The following LRPAP1 variants were observed in gnomAD, a reference collection of about 807,000 sequenced individuals.
The protein encoded by LRPAP1 is alpha-2-macroglobulin receptor-associated protein.
In LRPAP1, 41 loss-of-function variants were observed where a neutral mutation model predicts 39.9. That is an observed-to-expected ratio of 1.03 (90% confidence interval 0.80 to 1.33). The LOEUF (loss-of-function observed/expected upper bound fraction) is 1.33. Among genes scored for constraint, LRPAP1 ranks in the 40% most tolerant of loss-of-function variants. LRPAP1 has a pLI of 0.00. For synonymous variants in LRPAP1, 263 were observed against 212.7 expected (o/e 1.24, Z -2.06); for missense variants, 565 against 482.3 (o/e 1.17, Z -1.61).
At position 3,518,866 on chromosome 4, in the gene LRPAP1, G is replaced by C. The variant is rs1800486; in HGVS notation, c.592+5C>G. The C allele has an allele frequency of 2.0e-6, 3 of 1,531,944 alleles. No individual in the cohort carries two copies. The highest frequency in any genetic ancestry group is 2.7e-6 in the Non-Finnish European group (3 of 1,129,898). 94.9% of individuals were successfully genotyped at this position (1,531,944 alleles called of 1,614,324 possible). A position where few individuals can be genotyped will look rare whatever the true frequency, so the allele number is the denominator to read the frequency against. On this transcript the variant is annotated splice_donor_5th_base_variant and intron_variant, in intron 4 of 7. Transcript: ENST00000650182. ...AGGGCAGGAGGGGGTGGGGGCGGGG[G>C]GCACCTTCGGTCCTGCTCAGGGTCT...
chr4:3,527,990 CA>C (rs1277896045), intron 1 of LRPAP1, among the ~76,000 whole-genome samples: 1 of 152,222 alleles, frequency 6.6e-6, no homozygotes, highest in African/African-American at 2.4e-5. Flanking sequence ...GCATGTCTCA[CA>C]AAAGCCAGCT....
At position 3,503,745 on chromosome 4, in the gene LRPAP1, AGAC is replaced by A. The variant is rs1351644679; in HGVS notation, c.*9226_*9228del. 2 of 152,298 alleles carry A rather than the reference AGAC, an allele frequency of 1.3e-5. No individual in the cohort carries two copies. Among genetic ancestry groups the A allele is most frequent in the Non-Finnish European group, 2.9e-5 (2 of 68,058 alleles). The allele number at this position is 152,298 out of a possible 1,614,324, so 9.4% of individuals were successfully genotyped here. A position where few individuals can be genotyped will look rare whatever the true frequency, so the allele number is the denominator to read the frequency against. ...CGCGCTTGTTTCACAAAACAACAGC[AGAC>A]AACAGAGATTTCCAACTCCAGCAAT... On this transcript the variant is annotated 3_prime_UTR_variant, in exon 8 of 8. Transcript: ENST00000650182.
In LRPAP1 at chr4:3,512,895, G is replaced by T; in HGVS notation, c.*79C>A. 1 of 1,354,756 alleles carries T rather than the reference G, an allele frequency of 7.4e-7. No individual in the cohort carries two copies. The highest frequency in any genetic ancestry group is 1.0e-6 in the Non-Finnish European group (1 of 980,884). 83.9% of individuals were successfully genotyped at this position (1,354,756 alleles called of 1,614,324 possible). On this transcript the variant is annotated 3_prime_UTR_variant, in exon 8 of 8. Coordinates refer to ENST00000650182, the MANE Select transcript of LRPAP1 (RefSeq NM_002337.4). The stretch of plus-strand genomic sequence containing the variant: ...GCCCCAGCCACCCTGACGGCGGGCT[G>T]TCCACGGAAATGCCACGGCCAAGAG...
In LRPAP1 at chr4:3,503,802, C is replaced by T. The variant is rs1729271426; in HGVS notation, c.*9172G>A. The stretch of plus-strand genomic sequence containing the variant: ...AGGCTAGGGTACCTAGATGAACCAT[C>T]ACACTGAAAACACATGCTGCAGTAA... On this transcript the variant is annotated 3_prime_UTR_variant, in exon 8 of 8. Coordinates refer to ENST00000650182, the MANE Select transcript of LRPAP1 (RefSeq NM_002337.4). The T allele has an allele frequency of 6.6e-6, 1 of 152,266 alleles. No homozygotes were observed. The highest frequency in any genetic ancestry group is 2.1e-4 in the South Asian group (1 of 4,838). 9.4% of individuals were successfully genotyped at this position (152,266 alleles called of 1,614,324 possible). A position where few individuals can be genotyped will look rare whatever the true frequency, so the allele number is the denominator to read the frequency against.
At chr4:3,515,289 G>A (rs1226678703) in intron 6 of LRPAP1, among the ~76,000 whole-genome samples, 1 of 152,156 alleles carries the variant, frequency 6.6e-6, no homozygotes, top group Non-Finnish European at 1.5e-5. Context: ...CTCCACTGCT[G>A]CTGGACTGCA....
chr4:3,528,762 C>T (rs1408536758), intron 1 of LRPAP1, among the ~76,000 whole-genome samples: 1 of 152,216 alleles, frequency 6.6e-6, no homozygotes, highest in Non-Finnish European at 1.5e-5. Context: ...CCAGCTCCTT[C>T]CACCTGAGCT....
At chr4:3,527,563 A>G (rs1398463122) in intron 1 of LRPAP1, among the ~76,000 whole-genome samples, 1 of 152,144 alleles carries the variant, frequency 6.6e-6, no homozygotes, top group Admixed American at 6.5e-5. Context: ...ACTGCCCGGG[A>G]GGGTCTGAGA....
chr4:3,530,372 T>G (rs959609143), intron 1 of LRPAP1, among the ~76,000 whole-genome samples: 2 of 152,238 alleles, frequency 1.3e-5, no homozygotes, highest in South Asian at 4.1e-4. Context: ...TCTGCAGGCC[T>G]GCCTGCCATA....
Position 3,522,196 on chromosome 4 carries a change from T to C in LRPAP1, c.350-2003A>G, listed in dbSNP as rs1729929685. Among the ~76,000 whole-genome samples, 6 of 152,076 alleles carry C rather than the reference T, an allele frequency of 3.9e-5. No individual in the cohort carries two copies. In the South Asian group the frequency reaches 1.2e-3, roughly 32 times the overall value. Reference sequence around the variant, plus strand: ...GTCCCACCCCCAGGCCGTGCACCCCTGAGCCCGAGAGGAGGAGAGGGGGAG... The same window carrying C: ...GTCCCACCCCCAGGCCGTGCACCCCCGAGCCCGAGAGGAGGAGAGGGGGAG... On this transcript the variant is annotated intron_variant, in intron 2 of 7. Transcript: ENST00000650182.
intron 2 of LRPAP1, among the ~76,000 whole-genome samples, chr4:3,524,523 A>G (rs1032100816): frequency 1.3e-5 from 2 of 152,172 alleles, no homozygotes; most frequent in Non-Finnish European, 2.9e-5. Flanking sequence ...GTGACAGCAA[A>G]CTGAGACCAC....
Position 3,518,943 on chromosome 4 carries a change from G to A in LRPAP1, c.520C>T (p.Arg174Trp), listed in dbSNP as rs1355851888. The change falls in exon 4 of 8, where the codon CGG becomes TGG. Residue 174 changes from arginine (R) to tryptophan (W), a missense_variant. Coordinates refer to ENST00000650182, the MANE Select transcript of LRPAP1 (RefSeq NM_002337.4). ...TTCTCTTTGTGATGCAGGAACTCCC[G>A]CCAGAGCTTGTCCAGTTCTTCGCCG... ...FSGEELDKLW[R>W]EFLHHKEKVH... The A allele has an allele frequency of 5.0e-6, 8 of 1,614,034 alleles. No individual in the cohort carries two copies. Among genetic ancestry groups the A allele is most frequent in the East Asian group, 2.2e-5 (1 of 44,858 alleles).
At chr4:3,528,701 C>G (rs1052291824) in intron 1 of LRPAP1, among the ~76,000 whole-genome samples, 1 of 152,230 alleles carries the variant, frequency 6.6e-6, no homozygotes, top group East Asian at 1.9e-4. Flanking sequence ...CACGCTGTAC[C>G]TGTCTCACCA....
At chr4:3,519,740 C>T (rs1288431289) in intron 3 of LRPAP1, among the ~76,000 whole-genome samples, 4 of 152,226 alleles carry the variant, frequency 2.6e-5, no homozygotes, top group African/African-American at 2.4e-5. Flanking sequence ...GCACCACTCA[C>T]TACATTAAAA....
intron 2 of LRPAP1, among the ~76,000 whole-genome samples, chr4:3,523,202 C>G (rs1729972025): frequency 6.6e-6 from 1 of 152,162 alleles, no homozygotes; most frequent in Admixed American, 6.5e-5. Flanking sequence ...CCCCTGCAAG[C>G]TACTCTGTCT....
chr4:3,523,666 T>TA (rs1265858118), intron 2 of LRPAP1, among the ~76,000 whole-genome samples: 1 of 152,138 alleles, frequency 6.6e-6, no homozygotes, highest in East Asian at 1.9e-4. Flanking sequence ...GAGTAGGTGT[T>TA]AGAGCATCAG....
In LRPAP1 at chr4:3,516,184, T is replaced by C. The variant is rs562679574; in HGVS notation, c.766A>G (p.Arg256Gly). The C allele has an allele frequency of 4.3e-5, 67 of 1,575,708 alleles. No homozygotes were observed. In the East Asian group the frequency reaches 5.1e-4, roughly 12 times the overall value. ...YSTEAEFEEP[R>G]VIDLWDLAQS... is the part of the protein sequence containing the mutation. ...GCCAGGTCCCACAGGTCAATCACCCTGGGCTCCTCGAACTCTGCAGGGGAG... is the reference window on the plus strand; with the variant it reads ...GCCAGGTCCCACAGGTCAATCACCCCGGGCTCCTCGAACTCTGCAGGGGAG... Residue 256 changes from arginine to glycine, a missense_variant, in exon 6 of 8, where the codon AGG (arginine) becomes GGG (glycine). Physicochemically the swap from Arg to Gly is moderately radical, Grantham distance 125. Coordinates refer to ENST00000650182, the MANE Select transcript of LRPAP1 (RefSeq NM_002337.4).
chr4:3,525,937 G>C (rs887949233), intron 1 of LRPAP1, among the ~76,000 whole-genome samples: 4 of 152,262 alleles, frequency 2.6e-5, no homozygotes, highest in Admixed American at 2.0e-4. Context: ...CTCTGGCCTC[G>C]GGGCTGGCCC....
intron 7 of LRPAP1, among the ~76,000 whole-genome samples, chr4:3,514,330 A>G (rs1365180481): frequency 6.6e-6 from 1 of 152,242 alleles, no homozygotes. Flanking sequence ...CTCTGTGGCA[A>G]GGCTGTGCGC....
chr4:3,516,268 C>G (rs1729699166), intron 5 of LRPAP1, 70 bp from the exon 6 acceptor site: 1 of 1,236,986 alleles, frequency 8.1e-7, no homozygotes, highest in Admixed American at 2.0e-5. Flanking sequence ...CCGCGGCAAC[C>G]ACGCTGAGTG....
Sources: gnomAD v4.1 joint callset for allele counts (sites outside exome capture counted in the v4.1 genomes callset) on GRCh38, gnomAD v4.1.1 for gene constraint, MANE v1.5 for transcripts, NCBI Gene and HGNC (gene_info 2026-07-23, HGNC 2026-07-21) for gene names.